The following PLB1 variants were observed in gnomAD, a reference collection of about 807,000 sequenced individuals.
PLB1 encodes phospholipase B1, membrane-associated.
PLB1 carries 242 observed loss-of-function variants against 227.4 expected under a neutral mutation model. The observed-to-expected ratio is 1.06, with a 90% CI of 0.96 to 1.18. The LOEUF (loss-of-function observed/expected upper bound fraction) is 1.18. Ranked by LOEUF, PLB1 falls within the 50% of genes most tolerant of loss-of-function variation. The pLI, the probability that PLB1 is intolerant of heterozygous loss-of-function variation, is 0.00. For synonymous variants in PLB1, 757 were observed against 682.2 expected (o/e 1.11, Z -1.71); for missense variants, 1,858 against 1,816.3 (o/e 1.02, Z -0.42).
chr2:28,585,390 C>G (rs1188076529), intron 25 of PLB1, among the ~76,000 whole-genome samples: 1 of 152,156 alleles, frequency 6.6e-6, no homozygotes, highest in Non-Finnish European at 1.5e-5. Context: ...ATTCTCATGC[C>G]TCAGCCTCCC....
At chr2:28,635,425 C>T (rs1436699217) in intron 56 of PLB1, among the ~76,000 whole-genome samples, 2 of 152,208 alleles carry the variant, frequency 1.3e-5, no homozygotes, top group South Asian at 2.1e-4. Context: ...CAACATAACA[C>T]AGACTGTTCA....
intron 6 of PLB1, 82 bp downstream of exon 6, chr2:28,526,027 G>A (rs1365906714): frequency 1.3e-6 from 2 of 1,496,432 alleles, no homozygotes; most frequent in Non-Finnish European, 1.9e-6. Flanking sequence ...TAAAGAGAAT[G>A]GACACCACCA....
At chr2:28,539,003 A>G (rs1672094081) in intron 10 of PLB1, 96 bp from the exon 11 acceptor site, 2 of 969,336 alleles carry the variant, frequency 2.1e-6, no homozygotes, top group South Asian at 1.3e-5. Context: ...ATCACACTCA[A>G]CCACACCCCA....
Position 28,640,715 on chromosome 2 carries a change from CAG to C in PLB1, c.4099-210_4099-209del, listed in dbSNP as rs537543918. ...CAGACTCAGGGTTCTGCCCTGCCGA[CAG>C]ATGCTGCCTAGCCTTCTGTGTGTCA... On this transcript the variant is annotated intron_variant, in intron 56 of 57. Transcript: ENST00000327757. Among the ~76,000 whole-genome samples the C allele has an allele frequency of 2.6e-5, 4 of 152,294 alleles. No homozygotes were observed. The South Asian group carries it at 8.3e-4, about 32-fold the overall frequency.
chr2:28,567,686 A>C (rs1950013), intron 20 of PLB1, among the ~76,000 whole-genome samples: 45,873 of 151,754 alleles, frequency 0.3, 7,513 homozygotes, highest in Admixed American at 0.41. Context: ...GTTGGCCAGG[A>C]TGGTCTCGAT....
At chr2:28,580,094 C>T (rs570420524) in intron 23 of PLB1, among the ~76,000 whole-genome samples, 3 of 152,174 alleles carry the variant, frequency 2.0e-5, no homozygotes, top group African/African-American at 7.2e-5. Flanking sequence ...ATGGGAAGGT[C>T]GATTTCCTGC....
At chr2:28,520,708 C>T (rs977782458) in intron 4 of PLB1, among the ~76,000 whole-genome samples, 2 of 152,164 alleles carry the variant, frequency 1.3e-5, no homozygotes, top group African/African-American at 2.4e-5. Context: ...TGTGGTGGCT[C>T]ACACCTGTAA....
chr2:28,509,871 C>T (rs1668036203), intron 1 of PLB1, among the ~76,000 whole-genome samples: 3 of 152,150 alleles, frequency 2.0e-5, no homozygotes, highest in Admixed American at 2.0e-4. Context: ...GGCACTGTAC[C>T]TGGTGAAAGC....
chr2:28,501,862 C>G (rs1018143570), intron 1 of PLB1, among the ~76,000 whole-genome samples: 2 of 152,084 alleles, frequency 1.3e-5, no homozygotes, highest in African/African-American at 4.8e-5. Flanking sequence ...CACCAGCCTC[C>G]CAACATGGCC....
intron 1 of PLB1, among the ~76,000 whole-genome samples, chr2:28,513,481 A>G (rs1349885416): frequency 6.6e-6 from 1 of 152,194 alleles, no homozygotes; most frequent in East Asian, 1.9e-4. Context: ...AACTGCCTGA[A>G]GCTCTGCTCA....
At chr2:28,581,119 T>C (rs1679857875) in intron 23 of PLB1, among the ~76,000 whole-genome samples, 1 of 152,164 alleles carries the variant, frequency 6.6e-6, no homozygotes, top group Non-Finnish European at 1.5e-5. Flanking sequence ...TTGGTTAGAT[T>C]TCAATCAGAG....
Position 28,602,918 on chromosome 2 carries a change from C to T in PLB1, c.2771C>T (p.Ala924Val), listed in dbSNP as rs774752508. ...CCAGACAAGTGCCCAGTGCAGCAGG[C>T]CAGGTAGGCAGGTCCTGGCTGTCCC... ...GNPDKCPVQQ[A>V]SVLCNCVLTL... Residue 924 changes from alanine to valine, a missense_variant, in exon 39 of 58, where the codon GCC (alanine) becomes GTC (valine). By Grantham distance (64) the Ala-to-Val change is moderately conservative (BLOSUM62 0). Transcript: ENST00000327757. The T allele has an allele frequency of 1.1e-5, 18 of 1,613,872 alleles. No individual in the cohort carries two copies. In the Admixed American group the frequency reaches 3.0e-4, roughly 27 times the overall value.
chr2:28,556,365 G>C (rs1463799593), intron 17 of PLB1, among the ~76,000 whole-genome samples: 1 of 152,162 alleles, frequency 6.6e-6, no homozygotes, highest in Admixed American at 6.5e-5. Context: ...TTTATCCACT[G>C]ACTTACGGGG....
intron 44 of PLB1, 84 bp from the exon 45 acceptor site, chr2:28,617,643 C>T: frequency 7.4e-7 from 1 of 1,349,100 alleles, no homozygotes; most frequent in South Asian, 1.2e-5. Context: ...CATCAAAAAT[C>T]CCTTAGCTGG....
chr2:28,604,575 C>CCCA, intron 40 of PLB1, 80 bp from the exon 41 acceptor site: 2 of 1,109,882 alleles, frequency 1.8e-6, no homozygotes, highest in Non-Finnish European at 2.6e-6. Context: ...AGATGGACTG[C>CCCA]CCACCACCCC....
In PLB1 at chr2:28,527,143, G is replaced by A. The variant is rs146160822; in HGVS notation, c.325+1198G>A. Among the ~76,000 whole-genome samples, 17 of 152,306 alleles carry A rather than the reference G, an allele frequency of 1.1e-4. No homozygotes were observed. The East Asian group carries it at 2.9e-3, about 26-fold the overall frequency. ...GATAGGATATAGTTTAGACCCTGAAGCCACAAATGCAGATGCCTCTTTGCC... is the reference window on the plus strand; with the variant it reads ...GATAGGATATAGTTTAGACCCTGAAACCACAAATGCAGATGCCTCTTTGCC... On this transcript the variant is annotated intron_variant, in intron 6 of 57. Coordinates refer to ENST00000327757, the MANE Select transcript of PLB1 (RefSeq NM_153021.5).
rs534833522 is a variant in PLB1, at chr2:28,621,709, A to C, written c.3527+731A>C. ...GTTTACAGGGAATGTTCCTTTCAGA[A>C]GTGGTAACGTGGGCCCCATGCTCTG... is the stretch of plus-strand genomic sequence containing the variant. On this transcript the variant is annotated intron_variant, in intron 49 of 57. Transcript: ENST00000327757. 3.9e-5 allele frequency among the ~76,000 whole-genome samples: 6 copies of C among 152,194 alleles called. 1 individual carries two copies. Among genetic ancestry groups the C allele is most frequent in the Non-Finnish European group, 8.8e-5 (6 of 68,024 alleles).
rs763018515 is a variant in PLB1 at position 28,593,677 on chromosome 2, A to C, written c.2248-4A>C. ...TTCCTATGGACTCTGGTATATTTTCAAAGGCTGGCAATGGAATTGGCTCCA... is the reference window on the plus strand; with the variant it reads ...TTCCTATGGACTCTGGTATATTTTCCAAGGCTGGCAATGGAATTGGCTCCA... On this transcript the variant is annotated splice_polypyrimidine_tract_variant and splice_region_variant and intron_variant, in intron 32 of 57. Transcript: ENST00000327757. 15 of 1,613,868 alleles carry C rather than the reference A, an allele frequency of 9.3e-6. No individual in the cohort carries two copies. Among genetic ancestry groups the C allele is most frequent in the Non-Finnish European group, 1.3e-5 (15 of 1,179,814 alleles).
intron 21 of PLB1, among the ~76,000 whole-genome samples, chr2:28,576,620 T>C (rs1464602603): frequency 2.6e-5 from 4 of 152,094 alleles, no homozygotes; most frequent in Non-Finnish European, 5.9e-5. Context: ...ATTCCAGTTA[T>C]TTGGGAGGCT....
Sources: allele counts gnomAD v4.1 joint callset (sites outside exome capture counted in the v4.1 genomes callset), GRCh38; gene constraint gnomAD v4.1.1; transcripts MANE v1.5; gene names NCBI Gene and HGNC (gene_info 2026-07-23, HGNC 2026-07-21).